PPFIA3: variants seen among roughly 807,000 people sequenced by gnomAD.
PPFIA3 encodes PPFI scaffold protein A3.
PPFIA3 carries 26 observed loss-of-function variants against 145.8 expected under a neutral mutation model. That is an observed-to-expected ratio of 0.18 (90% CI 0.13 to 0.25). The LOEUF is 0.25. PPFIA3 is among the 10% of genes least tolerant of loss of function. The pLI is 1.00. For missense variants in PPFIA3, 1,008 were observed against 1,587.8 expected (o/e 0.63, Z 6.21); for synonymous variants, 645 against 661.4 (o/e 0.98, Z 0.38).
In PPFIA3 at chr19:49,145,436, G is replaced by A. The variant is rs79389765; in HGVS notation, c.2746-507G>A. ...TTCATTGTTTCTCCCCCACTAGGAC[G>A]AAAAGTGTCTGTCGTGTCCCTTGCC... On this transcript the variant is annotated intron_variant, in intron 21 of 29. Transcript: ENST00000334186. Among the ~76,000 whole-genome samples the A allele has an allele frequency of 4.6e-5, 7 of 152,214 alleles. No individual in the cohort carries two copies. In the East Asian group the frequency reaches 7.7e-4, roughly 17 times the overall value.
At chr19:49,145,133 C>T (rs1007419167) in intron 21 of PPFIA3, among the ~76,000 whole-genome samples, 17 of 151,814 alleles carry the variant, frequency 1.1e-4, no homozygotes, top group African/African-American at 3.6e-4. Flanking sequence ...GTTTCACCAA[C>T]GTTGGCCAGG....
rs761751865 is a variant in PPFIA3 at position 49,130,086 on chromosome 19, C to T, written c.657+19C>T. 45 of 1,603,832 alleles carry T rather than the reference C, an allele frequency of 2.8e-5. No individual in the cohort carries two copies. The Admixed American group carries it at 7.8e-4, about 28-fold the overall frequency. On this transcript the variant is annotated intron_variant, in intron 6 of 29. Transcript: ENST00000334186. This position sits in a 1 kb window ranked among gnomAD's most constrained non-coding sequence, Gnocchi z 4.5. ...TGGGCAGGTGAGACATGGAAGTCCC[C>T]TCTCCGTGAGCTCCATTCAACTCCC...
rs1259698888 is a variant in PPFIA3, at chr19:49,120,281, C to T, written c.-16+559C>T. On this transcript the variant is annotated intron_variant, in intron 1 of 29. Coordinates refer to ENST00000334186, the MANE Select transcript of PPFIA3 (RefSeq NM_003660.4). The surrounding 1 kb of genome is among the most constrained non-coding windows in gnomAD (Gnocchi z 4.6). ...AGGGGGCGCAGGCGGCGCGGGGATC[C>T]CCCCGCCGCGCCTTTGACCCGGGAA... 6.6e-6 allele frequency among the ~76,000 whole-genome samples: 1 copy of T among 152,046 alleles called. No individual in the cohort carries two copies. Among genetic ancestry groups the T allele is most frequent in the Non-Finnish European group, 1.5e-5 (1 of 67,952 alleles).
chr19:49,123,794 C>T (rs2040965223), intron 1 of PPFIA3, among the ~76,000 whole-genome samples: 1 of 152,108 alleles, frequency 6.6e-6, no homozygotes, highest in South Asian at 2.1e-4. Context: ...ATAATGTTTT[C>T]CTTCCCCCGG....
At position 49,149,078 on chromosome 19, in the gene PPFIA3, C is replaced by T. The variant is rs137946558; in HGVS notation, c.3195C>T (p.Ser1065=). 5 of 1,614,144 alleles carry T rather than the reference C, an allele frequency of 3.1e-6. No homozygotes were observed. The highest frequency in any genetic ancestry group is 3.4e-6 in the Non-Finnish European group (4 of 1,180,016). The change falls in exon 26 of 30, where the codon AGC becomes AGT. Residue 1065 remains serine (S), a synonymous_variant. Coordinates refer to ENST00000334186, the MANE Select transcript of PPFIA3 (RefSeq NM_003660.4). The surrounding 1 kb of genome is among the most constrained non-coding windows in gnomAD (Gnocchi z 5.7). ...LKEFATNLTE[S]GVHGALLALD... ...AATTTGCCACGAACCTCACGGAGAG[C>T]GGGGTACACGGGGCACTGCTCGCCC...
At chr19:49,134,285 C>T in intron 11 of PPFIA3, 120 bp downstream of exon 11, 1 of 1,361,596 alleles carries the variant, frequency 7.3e-7, no homozygotes, top group Non-Finnish European at 9.9e-7. Context: ...ACCCCGGCAT[C>T]CTGAGTTGGG....
At chr19:49,131,166 T>C (rs1193631724) in intron 7 of PPFIA3, among the ~76,000 whole-genome samples, 23 of 97,682 alleles carry the variant, frequency 2.4e-4, no homozygotes, top group Admixed American at 1.1e-3. Context: ...ACCCAGCCTC[T>C]TTTTTTTTTT....
intron 21 of PPFIA3, among the ~76,000 whole-genome samples, chr19:49,144,287 G>A (rs2041256783): frequency 6.6e-6 from 1 of 152,168 alleles, no homozygotes; most frequent in Admixed American, 6.6e-5. Context: ...GGGATTACAG[G>A]CGTGAGCCAC....
chr19:49,142,018 C>T lies in PPFIA3; in HGVS notation c.2463-16C>T. On this transcript the variant is annotated splice_polypyrimidine_tract_variant and intron_variant, in intron 19 of 29. Coordinates refer to ENST00000334186, the MANE Select transcript of PPFIA3 (RefSeq NM_003660.4). The stretch of plus-strand genomic sequence containing the variant: ...CATCCCTGACAGCTTCTATCCTGGC[C>T]CCTTCACCCTTACAGGCATGAACTC... 2 of 1,555,864 alleles carry T rather than the reference C, an allele frequency of 1.3e-6. No individual in the cohort carries two copies. Among genetic ancestry groups the T allele is most frequent in the South Asian group, 1.2e-5 (1 of 84,202 alleles).
rs1350988645 is a variant in PPFIA3 at position 49,133,143 on chromosome 19, G to T, written c.1022G>T (p.Arg341Leu). ...NELASKESLY[R>L]QSEEKSRQLA... ...TTAGCTAGCAAGGAGTCGTTGTATC[G>T]GCAGGTGGGGGCGCGGCCGGGAGGG... Residue 341 changes from arginine to leucine, a missense_variant, in exon 8 of 30, where the codon CGG becomes CTG. By Grantham distance (102) the Arg-to-Leu change is moderately radical. Around this residue, in one of 11 missense-constraint regions of PPFIA3, gnomAD observed 109 missense variants for 198.1 expected, o/e 0.55. Coordinates refer to ENST00000334186, the MANE Select transcript of PPFIA3 (RefSeq NM_003660.4). This position sits in a 1 kb window ranked among gnomAD's most constrained non-coding sequence, Gnocchi z 7.2. 23 of 1,596,782 alleles carry T rather than the reference G, an allele frequency of 1.4e-5. No individual in the cohort carries two copies. The East Asian group carries it at 5.1e-4, about 36-fold the overall frequency.
In PPFIA3 at chr19:49,149,383, C is replaced by T. The variant is rs2041316513; in HGVS notation, c.3354+58C>T. On this transcript the variant is annotated intron_variant, in intron 27 of 29. Transcript: ENST00000334186. The surrounding 1 kb of genome is among the most constrained non-coding windows in gnomAD (Gnocchi z 5.7). The stretch of plus-strand genomic sequence containing the variant: ...CCCAGCGGCTCCTCGAGAGGCTGAG[C>T]TGAGGGGGCGGGGCCTGACTATTAA... 6.9e-6 allele frequency: 11 copies of T among 1,603,694 alleles called. No homozygotes were observed. The highest frequency in any genetic ancestry group is 9.4e-6 in the Non-Finnish European group (11 of 1,171,262).
chr19:49,149,972 GC>G lies in PPFIA3; in HGVS notation c.3527-105del. 1 of 1,347,840 alleles carries G rather than the reference GC, an allele frequency of 7.4e-7. No individual in the cohort carries two copies. Among genetic ancestry groups the G allele is most frequent in the Non-Finnish European group, 1.0e-6 (1 of 978,580 alleles). 83.5% of individuals were successfully genotyped at this position (1,347,840 alleles called of 1,614,324 possible). A position where few individuals can be genotyped will look rare whatever the true frequency, so the allele number is the denominator to read the frequency against. ...GGGAAGGGAGGGAAACCCATGTGGAGCCCGGCGATCGTTGTGACATCGGGAA... is the reference window on the plus strand; with the variant it reads ...GGGAAGGGAGGGAAACCCATGTGGAGCCGGCGATCGTTGTGACATCGGGAA... On this transcript the variant is annotated intron_variant, in intron 28 of 29. Transcript: ENST00000334186. This position sits in a 1 kb window ranked among gnomAD's most constrained non-coding sequence, Gnocchi z 5.7.
chr19:49,128,251 A>T lies in PPFIA3; in HGVS notation c.241-116A>T. 6.7e-7 allele frequency: 1 copy of T among 1,484,448 alleles called. No homozygotes were observed. Among genetic ancestry groups the T allele is most frequent in the Non-Finnish European group, 9.3e-7 (1 of 1,078,622 alleles). The allele number at this position is 1,484,448 out of a possible 1,614,324, so 92.0% of individuals were successfully genotyped here. A position where few individuals can be genotyped will look rare whatever the true frequency, so the allele number is the denominator to read the frequency against. ...CGTTAATGGGCGGGGCCTGAGTGGC[A>T]AGGGACAGCGGGACTTAGCAGGGAG... is the stretch of plus-strand genomic sequence containing the variant. On this transcript the variant is annotated intron_variant, in intron 2 of 29. Coordinates refer to ENST00000334186, the MANE Select transcript of PPFIA3 (RefSeq NM_003660.4). This position sits in a 1 kb window ranked among gnomAD's most constrained non-coding sequence, Gnocchi z 4.1.
At chr19:49,142,707 C>A (rs929643641) in intron 20 of PPFIA3, 97 bp from the exon 21 acceptor site, 2 of 984,468 alleles carry the variant, frequency 2.0e-6, no homozygotes, top group Non-Finnish European at 3.0e-6. Flanking sequence ...TCGCTCCCCA[C>A]CCCCTTGCCT....
chr19:49,139,238 T>C (rs2041179519), intron 16 of PPFIA3, among the ~76,000 whole-genome samples: 1 of 150,932 alleles, frequency 6.6e-6, no homozygotes. Flanking sequence ...GGCTAAAGAA[T>C]CACTTAAACC....
chr19:49,133,703 GC>G lies in PPFIA3; in HGVS notation c.1162-92del. ...AGGGGAGGAGCCTGGCGCTGTGGGG[GC>G]GGAGCCTGGCGCTCAGCCTTGGAGG... On this transcript the variant is annotated intron_variant, in intron 9 of 29. Coordinates refer to ENST00000334186, the MANE Select transcript of PPFIA3 (RefSeq NM_003660.4). This position sits in a 1 kb window ranked among gnomAD's most constrained non-coding sequence, Gnocchi z 7.2. 7.4e-7 allele frequency: 1 copy of G among 1,345,000 alleles called. No individual in the cohort carries two copies. 83.3% of individuals were successfully genotyped at this position (1,345,000 alleles called of 1,614,324 possible).
rs2041331251 is a variant in PPFIA3, at chr19:49,150,223, C to T, written c.*14-13C>T. On this transcript the variant is annotated splice_polypyrimidine_tract_variant and intron_variant, in intron 29 of 29. Transcript: ENST00000334186. ...GATCTTCACTGCTCCACGCGCTGCC[C>T]GGCGTCATGCAGGTGACCTCACTCG... The T allele has an allele frequency of 6.7e-6, 9 of 1,340,536 alleles. No individual in the cohort carries two copies. The Admixed American group carries it at 1.4e-4, about 21-fold the overall frequency. 83.0% of individuals were successfully genotyped at this position (1,340,536 alleles called of 1,614,324 possible).
chr19:49,129,106 G>C (rs2041038525), intron 4 of PPFIA3, 94 bp downstream of exon 4: 1 of 1,354,244 alleles, frequency 7.4e-7, no homozygotes, highest in Non-Finnish European at 1.0e-6. Context: ...GATTGGTTGG[G>C]GATGTTCTGA....
At chr19:49,146,253 C>T in intron 23 of PPFIA3, 61 bp downstream of exon 23, 2 of 1,579,056 alleles carry the variant, frequency 1.3e-6, no homozygotes, top group Non-Finnish European at 1.7e-6. Context: ...CATGGATGCC[C>T]CTCCTCCGAG....
Sources: allele counts gnomAD v4.1 joint callset (sites outside exome capture counted in the v4.1 genomes callset), GRCh38; gene constraint gnomAD v4.1.1; regional missense constraint gnomAD v4.1.1; non-coding constraint Gnocchi (gnomAD v3.1); transcripts MANE v1.5; gene names NCBI Gene and HGNC (gene_info 2026-07-23, HGNC 2026-07-21).